Variants in PTPRN2 observed in about 807,000 individuals in gnomAD.
The protein encoded by PTPRN2 is receptor-type tyrosine-protein phosphatase N2.
PTPRN2 carries 74 observed loss-of-function variants against 118.8 expected under a neutral mutation model. The observed-to-expected ratio is 0.62, with a 90% CI of 0.52 to 0.76. The LOEUF is 0.76. Among genes scored for constraint, PTPRN2 ranks in the 30% least tolerant of loss-of-function variants. The pLI, the probability that PTPRN2 is intolerant of heterozygous loss-of-function variation, is 0.00. For synonymous variants in PTPRN2, 641 were observed against 608.0 expected (o/e 1.05, Z -0.80); for missense variants, 1,481 against 1,394.4 (o/e 1.06, Z -0.99).
In PTPRN2 at chr7:157,634,637, G is replaced by A. The variant is rs1045351343; in HGVS notation, c.2197-13128C>T. Among the ~76,000 whole-genome samples, 29 of 152,226 alleles carry A rather than the reference G, an allele frequency of 1.9e-4. 1 individual carries two copies. The highest frequency in any genetic ancestry group is 1.6e-3 in the Admixed American group (24 of 15,294). On this transcript the variant is annotated intron_variant, in intron 14 of 22. Coordinates refer to ENST00000389418, the MANE Select transcript of PTPRN2 (RefSeq NM_002847.5). Reference sequence around the variant, plus strand: ...TCCTGGGAGTGAATTATCCCCCACAGGTCAGAGGGGCCGTACGACCTCTTC... The same window carrying A: ...TCCTGGGAGTGAATTATCCCCCACAAGTCAGAGGGGCCGTACGACCTCTTC...
intron 15 of PTPRN2, among the ~76,000 whole-genome samples, chr7:157,607,537 C>T (rs2150589709): frequency 6.6e-6 from 1 of 152,366 alleles, no homozygotes; most frequent in Non-Finnish European, 1.5e-5. Flanking sequence ...AGCCTGGAGC[C>T]CTCAGGCTTT....
At chr7:158,334,746 T>C (rs1805261633) in intron 2 of PTPRN2, among the ~76,000 whole-genome samples, 1 of 43,890 alleles carries the variant, frequency 2.3e-5, no homozygotes, top group Non-Finnish European at 5.0e-5. Flanking sequence ...CCATAAGAGG[T>C]GACGCCCGCA....
At position 157,780,644 on chromosome 7, in the gene PTPRN2, C is replaced by T. The variant is rs1473710356; in HGVS notation, c.1789-97707G>A. 1.3e-5 allele frequency among the ~76,000 whole-genome samples: 2 copies of T among 152,202 alleles called. No individual in the cohort carries two copies. Among genetic ancestry groups the T allele is most frequent in the African/African-American group, 2.4e-5 (1 of 41,456 alleles). Reference sequence around the variant, plus strand: ...CTGCCTTCCTCTGTGCCTCAGTTTCCCTGTTTGCACAATGGGGCTTCACCC... The same window carrying T: ...CTGCCTTCCTCTGTGCCTCAGTTTCTCTGTTTGCACAATGGGGCTTCACCC... On this transcript the variant is annotated intron_variant, in intron 12 of 22. Coordinates refer to ENST00000389418, the MANE Select transcript of PTPRN2 (RefSeq NM_002847.5). This position sits in a 1 kb window ranked among gnomAD's most constrained non-coding sequence, Gnocchi z 4.5.
intron 9 of PTPRN2, among the ~76,000 whole-genome samples, chr7:158,114,052 C>T (rs1055594598): frequency 2.6e-5 from 4 of 152,346 alleles, no homozygotes; most frequent in African/African-American, 9.6e-5. Context: ...GAGCCCAGGA[C>T]AGTGTATTTA....
intron 12 of PTPRN2, among the ~76,000 whole-genome samples, chr7:157,798,481 A>G (rs2151089927): frequency 6.6e-6 from 1 of 152,098 alleles, no homozygotes; most frequent in South Asian, 2.1e-4. Context: ...AGTCGTTAGC[A>G]GTGGCCCCTC....
intron 5 of PTPRN2, among the ~76,000 whole-genome samples, chr7:158,183,340 G>T (rs576385435): frequency 1.3e-5 from 2 of 152,212 alleles, no homozygotes; most frequent in Non-Finnish European, 2.9e-5. Context: ...GAGACAGGAA[G>T]TGTGGCTTTC....
chr7:157,821,000 C>G (rs1410879097), intron 12 of PTPRN2, among the ~76,000 whole-genome samples: 1 of 152,096 alleles, frequency 6.6e-6, no homozygotes, highest in East Asian at 1.9e-4. Context: ...AAGAGTGCAC[C>G]CTGCAGCCTG....
intron 10 of PTPRN2, among the ~76,000 whole-genome samples, chr7:158,082,571 C>T (rs774622788): frequency 3.9e-5 from 6 of 152,350 alleles, no homozygotes; most frequent in Non-Finnish European, 8.8e-5. Flanking sequence ...ATGTGGACGT[C>T]TTAGCATCAC....
At chr7:157,592,033 T>C (rs1419807481) in intron 17 of PTPRN2, among the ~76,000 whole-genome samples, 3 of 152,124 alleles carry the variant, frequency 2.0e-5, no homozygotes, top group African/African-American at 7.2e-5. Context: ...TGTGACCAGG[T>C]TGAGGGACGC....
At chr7:157,979,053 C>T (rs1802948024) in intron 11 of PTPRN2, among the ~76,000 whole-genome samples, 1 of 151,998 alleles carries the variant, frequency 6.6e-6, no homozygotes, top group Admixed American at 6.6e-5. Flanking sequence ...CGCCCTCCCC[C>T]AGGCCTACTG....
rs1428156968 is a variant in PTPRN2 at position 158,486,911 on chromosome 7, C to G, written c.163+2824G>C. ...TCTTCCATCGTCCCAAACTGAAACT[C>G]CACCAATTAAACACTGACACCCCAA... On this transcript the variant is annotated intron_variant, in intron 2 of 22. Transcript: ENST00000389418. Among the ~76,000 whole-genome samples the G allele has an allele frequency of 2.0e-5, 3 of 152,328 alleles. No individual in the cohort carries two copies. The South Asian group carries it at 6.2e-4, about 32-fold the overall frequency.
intron 11 of PTPRN2, among the ~76,000 whole-genome samples, chr7:158,001,249 AC>A (rs1315633783): frequency 7.2e-6 from 1 of 138,592 alleles, no homozygotes; most frequent in Non-Finnish European, 1.6e-5. Flanking sequence ...TAGGTGGGGT[AC>A]AGGGTGGGGC....
At chr7:157,852,985 T>C (rs1309094672) in intron 12 of PTPRN2, among the ~76,000 whole-genome samples, 1 of 151,236 alleles carries the variant, frequency 6.6e-6, no homozygotes, top group East Asian at 1.9e-4. Flanking sequence ...TTTGGAAAAG[T>C]GTTGATTTTG....
chr7:158,312,099 A>G (rs1466430792), intron 3 of PTPRN2, among the ~76,000 whole-genome samples: 1 of 142,648 alleles, frequency 7.0e-6, no homozygotes, highest in East Asian at 2.2e-4. Flanking sequence ...ACATGCTCAC[A>G]TGTAGACGCC....
intron 11 of PTPRN2, among the ~76,000 whole-genome samples, chr7:157,947,402 T>C (rs1393339168): frequency 2.0e-5 from 3 of 152,228 alleles, no homozygotes; most frequent in African/African-American, 7.2e-5. Flanking sequence ...CATTCTGTGG[T>C]TTTTGCTTGC....
At chr7:158,524,639 G>A (rs1403984087) in intron 1 of PTPRN2, among the ~76,000 whole-genome samples, 2 of 152,138 alleles carry the variant, frequency 1.3e-5, no homozygotes, top group Non-Finnish European at 1.5e-5. Flanking sequence ...GTAGATGGAT[G>A]TCCCCAGCCC....
At chr7:158,375,493 G>A (rs541680888) in intron 2 of PTPRN2, among the ~76,000 whole-genome samples, 6 of 152,232 alleles carry the variant, frequency 3.9e-5, no homozygotes, top group Non-Finnish European at 8.8e-5. Context: ...TAAATCCATT[G>A]CAACTACAGT....
chr7:158,309,377 C>A (rs1218730938), intron 3 of PTPRN2, among the ~76,000 whole-genome samples: 1 of 152,244 alleles, frequency 6.6e-6, no homozygotes, highest in Non-Finnish European at 1.5e-5. Flanking sequence ...GGGATGCTTC[C>A]TGCCTTCGAA....
At chr7:157,672,179 C>T (rs982121562) in intron 13 of PTPRN2, among the ~76,000 whole-genome samples, 2 of 152,020 alleles carry the variant, frequency 1.3e-5, no homozygotes, top group Admixed American at 6.6e-5. Flanking sequence ...CCTGGAGAAG[C>T]GAGGGGCCCA....
Sources: allele counts gnomAD v4.1 joint callset (sites outside exome capture counted in the v4.1 genomes callset), GRCh38; gene constraint gnomAD v4.1.1; non-coding constraint Gnocchi (gnomAD v3.1); transcripts MANE v1.5; gene names NCBI Gene and HGNC (gene_info 2026-07-23, HGNC 2026-07-21).